Variants in CDH8 observed in about 807,000 individuals in gnomAD.
The protein encoded by CDH8 is cadherin-8.
Under a neutral mutation model 68.1 loss-of-function variants are expected in CDH8, and 17 were observed. The ratio of observed to expected loss-of-function variants is 0.25; its 90% CI spans 0.17 to 0.37. The LOEUF (loss-of-function observed/expected upper bound fraction) is 0.37. Among genes scored for constraint, CDH8 ranks in the 10% least tolerant of loss-of-function variants. The pLI, the probability that CDH8 is intolerant of heterozygous loss-of-function variation, is 1.00. For synonymous variants in CDH8, 372 were observed against 365.1 expected (o/e 1.02, Z -0.21); for missense variants, 763 against 999.3 (o/e 0.76, Z 3.19).
intron 3 of CDH8, among the ~76,000 whole-genome samples, chr16:61,859,014 C>G (rs933838925): frequency 6.6e-6 from 1 of 151,914 alleles, no homozygotes; most frequent in Non-Finnish European, 1.5e-5. Flanking sequence ...AGATCTAGTC[C>G]GTCAATATCT....
intron 4 of CDH8, among the ~76,000 whole-genome samples, chr16:61,832,875 A>G (rs950612918): frequency 1.3e-5 from 2 of 151,790 alleles, no homozygotes; most frequent in Admixed American, 6.6e-5. Context: ...TGCATATAAA[A>G]ATTTGGAAAT....
At chr16:61,749,311 T>A (rs1314930430) in intron 8 of CDH8, among the ~76,000 whole-genome samples, 1 of 152,080 alleles carries the variant, frequency 6.6e-6, no homozygotes, top group Non-Finnish European at 1.5e-5. Flanking sequence ...GTCTATACCA[T>A]GAATCTTGCA....
intron 2 of CDH8, among the ~76,000 whole-genome samples, chr16:61,917,332 T>C (rs1964256539): frequency 6.6e-6 from 1 of 152,110 alleles, no homozygotes; most frequent in Non-Finnish European, 1.5e-5. Flanking sequence ...AGAATAACTG[T>C]AGAATGTGAT....
intron 8 of CDH8, among the ~76,000 whole-genome samples, chr16:61,752,648 G>A (rs1407129354): frequency 2.0e-5 from 3 of 152,068 alleles, no homozygotes; most frequent in South Asian, 2.1e-4. Flanking sequence ...TTCCTGAATA[G>A]TATTTTGTCT....
chr16:61,794,929 T>C (rs915097312), intron 7 of CDH8, among the ~76,000 whole-genome samples: 8 of 152,056 alleles, frequency 5.3e-5, no homozygotes, highest in Admixed American at 1.3e-4. Context: ...TCTCAGCAAA[T>C]GCTGTCCTAA....
At chr16:61,975,367 G>A (rs554098584) in intron 2 of CDH8, among the ~76,000 whole-genome samples, 1 of 152,254 alleles carries the variant, frequency 6.6e-6, no homozygotes, top group East Asian at 1.9e-4. Context: ...AGAATGGTGG[G>A]GTTTAATTCA....
intron 4 of CDH8, among the ~76,000 whole-genome samples, chr16:61,835,932 T>A (rs1962559149): frequency 6.6e-6 from 1 of 151,928 alleles, no homozygotes; most frequent in African/African-American, 2.4e-5. Context: ...TGAATCTGAA[T>A]ACAATTTAGT....
At chr16:61,899,025 A>ATTC (rs1963919496) in intron 3 of CDH8, among the ~76,000 whole-genome samples, 1 of 152,166 alleles carries the variant, frequency 6.6e-6, no homozygotes, top group Non-Finnish European at 1.5e-5. Context: ...CATGTGCAGA[A>ATTC]TGTGCAGGTT....
At chr16:61,907,648 C>A (rs899643032) in intron 2 of CDH8, among the ~76,000 whole-genome samples, 1 of 150,580 alleles carries the variant, frequency 6.6e-6, no homozygotes, top group African/African-American at 2.5e-5. Flanking sequence ...CACTGCACTC[C>A]AACCTAGCTG....
chr16:61,814,832 C>T (rs541955130), intron 7 of CDH8, among the ~76,000 whole-genome samples: 1 of 152,222 alleles, frequency 6.6e-6, no homozygotes, highest in Admixed American at 6.5e-5. Flanking sequence ...TGAAATTAAC[C>T]AATTGTGCAT....
At chr16:61,895,789 G>C (rs1433441552) in intron 3 of CDH8, among the ~76,000 whole-genome samples, 3 of 152,126 alleles carry the variant, frequency 2.0e-5, no homozygotes, top group Non-Finnish European at 4.4e-5. Flanking sequence ...CATACTGGTA[G>C]AAGTAAGTCA....
At chr16:61,837,417 T>C (rs1320797820) in intron 4 of CDH8, among the ~76,000 whole-genome samples, 1 of 152,090 alleles carries the variant, frequency 6.6e-6, no homozygotes, top group East Asian at 1.9e-4. Flanking sequence ...GGTTCTATTT[T>C]ATACAGATTA....
intron 3 of CDH8, among the ~76,000 whole-genome samples, chr16:61,877,708 A>C (rs1419520579): frequency 6.6e-6 from 1 of 152,136 alleles, no homozygotes; most frequent in Non-Finnish European, 1.5e-5. Flanking sequence ...CATATATTGC[A>C]ACATATAGAA....
At chr16:62,010,812 A>G (rs1357402433) in intron 2 of CDH8, among the ~76,000 whole-genome samples, 1 of 152,028 alleles carries the variant, frequency 6.6e-6, no homozygotes, top group Non-Finnish European at 1.5e-5. Flanking sequence ...CCATGGTGGC[A>G]TATGCCTGTA....
chr16:61,859,492 T>G (rs1393767821), intron 3 of CDH8, among the ~76,000 whole-genome samples: 1 of 152,038 alleles, frequency 6.6e-6, no homozygotes, highest in African/African-American at 2.4e-5. Flanking sequence ...ATGGAAGAAA[T>G]TTCAGTTAAA....
intron 7 of CDH8, among the ~76,000 whole-genome samples, chr16:61,813,480 G>GT (rs1229606857): frequency 6.6e-6 from 1 of 152,154 alleles, no homozygotes; most frequent in African/African-American, 2.4e-5. Context: ...CCCCGCAAGT[G>GT]TTTACATCAG....
At chr16:61,958,169 A>C (rs905997982) in intron 2 of CDH8, among the ~76,000 whole-genome samples, 1 of 152,212 alleles carries the variant, frequency 6.6e-6, no homozygotes, top group Non-Finnish European at 1.5e-5. Context: ...GAGCTTGGAA[A>C]GCCAAGCCAA....
intron 2 of CDH8, among the ~76,000 whole-genome samples, chr16:61,926,074 G>A (rs952777235): frequency 9.2e-5 from 14 of 151,888 alleles, no homozygotes; most frequent in African/African-American, 3.4e-4. Context: ...GAGATTCAGA[G>A]TAGATAAGTA....
At chr16:62,025,002 TAAAC>T (rs972395386) in intron 1 of CDH8, among the ~76,000 whole-genome samples, 2 of 152,102 alleles carry the variant, frequency 1.3e-5, no homozygotes, top group African/African-American at 4.8e-5. Context: ...AAGAAATACA[TAAAC>T]AATTCACTGA....
Sources: allele counts gnomAD v4.1 joint callset (sites outside exome capture counted in the v4.1 genomes callset), GRCh38; gene constraint gnomAD v4.1.1; transcripts MANE v1.5; gene names NCBI Gene and HGNC (gene_info 2026-07-23, HGNC 2026-07-21).